PCDH15: variants seen among roughly 807,000 people sequenced by gnomAD.
The protein encoded by PCDH15 is protocadherin-15.
PCDH15 carries 129 observed loss-of-function variants against 178.5 expected under a neutral mutation model. The observed-to-expected ratio is 0.72, with a 90% CI of 0.63 to 0.84. The LOEUF (loss-of-function observed/expected upper bound fraction) is 0.84. Among genes scored for constraint, PCDH15 ranks in the 40% least tolerant of loss-of-function variants. The pLI is 0.00. For synonymous variants in PCDH15, 800 were observed against 732.0 expected (o/e 1.09, Z -1.50); for missense variants, 2,230 against 2,099.9 (o/e 1.06, Z -1.21).
chr10:54,444,029 A>G (rs1178228742), intron 3 of PCDH15, among the ~76,000 whole-genome samples: 1 of 151,720 alleles, frequency 6.6e-6, no homozygotes, highest in Non-Finnish European at 1.5e-5. Flanking sequence ...GCATTGTGAG[A>G]GAAAAAAAAT....
intron 20 of PCDH15, among the ~76,000 whole-genome samples, chr10:54,017,755 A>C (rs1182951361): frequency 6.6e-6 from 1 of 152,150 alleles, no homozygotes; most frequent in Non-Finnish European, 1.5e-5. Context: ...CAATACACTT[A>C]TGTAACAAAT....
chr10:55,420,901 G>A (rs1421295042), intron 2 of PCDH15, among the ~76,000 whole-genome samples: 2 of 151,604 alleles, frequency 1.3e-5, no homozygotes, highest in Non-Finnish European at 3.0e-5. Context: ...AAAGCATCAA[G>A]AAGATAAATT....
intron 2 of PCDH15, among the ~76,000 whole-genome samples, chr10:55,098,409 G>A (rs1008163008): frequency 2.6e-5 from 4 of 152,110 alleles, no homozygotes; most frequent in African/African-American, 9.7e-5. Flanking sequence ...TTAATGAAAA[G>A]CAGCCCCCAA....
At chr10:54,563,618 A>G (rs2088557496) in intron 2 of PCDH15, among the ~76,000 whole-genome samples, 1 of 152,160 alleles carries the variant, frequency 6.6e-6, no homozygotes, top group African/African-American at 2.4e-5. Context: ...TTGTGTCAAG[A>G]TGTCATTACA....
At chr10:54,256,321 A>C (rs2056895367) in intron 8 of PCDH15, among the ~76,000 whole-genome samples, 1 of 152,238 alleles carries the variant, frequency 6.6e-6, no homozygotes, top group Non-Finnish European at 1.5e-5. Flanking sequence ...AAATAAGTTA[A>C]CTTTTAAAGG....
chr10:55,383,385 T>C (rs748868776), intron 2 of PCDH15, among the ~76,000 whole-genome samples: 1 of 151,988 alleles, frequency 6.6e-6, no homozygotes, highest in Non-Finnish European at 1.5e-5. Flanking sequence ...ATGAGGGGCA[T>C]GGCGGGCTGG....
At chr10:55,155,367 A>G in intron 2 of PCDH15, among the ~76,000 whole-genome samples, 1 of 151,872 alleles carries the variant, frequency 6.6e-6, no homozygotes, top group East Asian at 1.9e-4. Flanking sequence ...ATTTTGATAA[A>G]AATTTAGAAA....
At chr10:55,376,679 G>A (rs950955966) in intron 2 of PCDH15, among the ~76,000 whole-genome samples, 1 of 152,008 alleles carries the variant, frequency 6.6e-6, no homozygotes, top group South Asian at 2.1e-4. Flanking sequence ...ATAGCTTCAA[G>A]ATTGCAAATT....
chr10:55,602,158 C>T (rs746422146), intron 2 of PCDH15, among the ~76,000 whole-genome samples: 15 of 152,124 alleles, frequency 9.9e-5, no homozygotes, highest in Non-Finnish European at 1.6e-4. Flanking sequence ...TCACTCCCAC[C>T]CGAATACTGC....
chr10:54,592,145 G>A (rs2133947657), intron 2 of PCDH15, among the ~76,000 whole-genome samples: 1 of 152,198 alleles, frequency 6.6e-6, no homozygotes, highest in South Asian at 2.1e-4. Context: ...TTTTAACAAT[G>A]GATAATGAAT....
At chr10:54,724,955 C>T (rs1942264131) in intron 1 of PCDH15, among the ~76,000 whole-genome samples, 1 of 148,446 alleles carries the variant, frequency 6.7e-6, no homozygotes, top group South Asian at 2.1e-4. Context: ...CACATGCACA[C>T]CTATGCACAC....
intron 7 of PCDH15, among the ~76,000 whole-genome samples, chr10:54,325,486 T>C (rs7099992): frequency 0.71 from 107,558 of 151,846 alleles, 38,873 homozygotes; most frequent in Middle Eastern, 0.81. Context: ...CAGTGGCTCA[T>C]GCGTGTAATC....
chr10:54,516,476 T>C (rs200581703), intron 3 of PCDH15, among the ~76,000 whole-genome samples: 1 of 151,466 alleles, frequency 6.6e-6, no homozygotes. Flanking sequence ...GAAGATGAAA[T>C]GAATGAAATG....
intron 2 of PCDH15, among the ~76,000 whole-genome samples, chr10:55,083,958 T>C (rs888665076): frequency 3.3e-5 from 5 of 151,830 alleles, no homozygotes; most frequent in African/African-American, 1.2e-4. Flanking sequence ...TATTCCACAT[T>C]CATGGATTGA....
At chr10:54,219,222 C>A (rs1370028271) in intron 9 of PCDH15, among the ~76,000 whole-genome samples, 1 of 141,258 alleles carries the variant, frequency 7.1e-6, no homozygotes, top group Non-Finnish European at 1.5e-5. Context: ...TTGCAGTGAG[C>A]TGAGATTGTG....
chr10:55,071,007 A>G (rs1298965256), intron 2 of PCDH15, among the ~76,000 whole-genome samples: 1 of 152,088 alleles, frequency 6.6e-6, no homozygotes, highest in East Asian at 1.9e-4. Flanking sequence ...TAAGCTTCAT[A>G]AGTGAAGGAG....
chr10:55,537,773 T>A (rs1389203983), intron 2 of PCDH15, among the ~76,000 whole-genome samples: 1 of 152,152 alleles, frequency 6.6e-6, no homozygotes, highest in Non-Finnish European at 1.5e-5. Context: ...TTGTTGCTGA[T>A]GTCTCTCCTG....
At chr10:54,416,907 C>T (rs1954501538) in intron 3 of PCDH15, among the ~76,000 whole-genome samples, 1 of 152,052 alleles carries the variant, frequency 6.6e-6, no homozygotes, top group African/African-American at 2.4e-5. Context: ...GTTTGTTGGC[C>T]ATGTAGATGT....
At chr10:55,215,464 A>G (rs1281910370) in intron 1 of PCDH15, among the ~76,000 whole-genome samples, 2 of 152,064 alleles carry the variant, frequency 1.3e-5, no homozygotes, top group Non-Finnish European at 2.9e-5. Context: ...ATTATTTTAC[A>G]ATCCCTTATT....
Sources: allele counts gnomAD v4.1 joint callset (sites outside exome capture counted in the v4.1 genomes callset), GRCh38; gene constraint gnomAD v4.1.1; transcripts MANE v1.5; gene names NCBI Gene and HGNC (gene_info 2026-07-23, HGNC 2026-07-21).